CABP5: variants seen among roughly 807,000 people sequenced by gnomAD.
CABP5 encodes calcium-binding protein 5.
In CABP5, 17 loss-of-function variants were observed where a neutral mutation model predicts 21.9. That is an observed-to-expected ratio of 0.78 (90% CI 0.53 to 1.17). The LOEUF is 1.17. Ranked by LOEUF, CABP5 falls within the 50% of genes most tolerant of loss-of-function variation. CABP5 has a pLI of 0.00. For missense variants in CABP5, 229 were observed against 228.9 expected (o/e 1.00, Z 0.00); for synonymous variants, 85 against 79.4 (o/e 1.07, Z -0.37).
chr19:48,031,738 G>C (rs1466704638), intron 5 of CABP5, among the ~76,000 whole-genome samples: 3 of 152,020 alleles, frequency 2.0e-5, no homozygotes, highest in Non-Finnish European at 2.9e-5. Flanking sequence ...GGCTCAAGAC[G>C]ATCTTGCTGC....
intron 4 of CABP5, among the ~76,000 whole-genome samples, chr19:48,036,880 A>G (rs1198148404): frequency 6.6e-6 from 1 of 152,216 alleles, no homozygotes; most frequent in African/African-American, 2.4e-5. Context: ...TTAAATTAAA[A>G]CCACAATGAA....
chr19:48,041,348 CT>C, intron 2 of CABP5: 2 of 550,018 alleles, frequency 3.6e-6, no homozygotes, highest in Non-Finnish European at 6.4e-6. Context: ...TTTGTTTTCA[CT>C]CCTGAGTCTT....
chr19:48,038,833 A>T (rs1967443786), intron 4 of CABP5, among the ~76,000 whole-genome samples: 1 of 152,160 alleles, frequency 6.6e-6, no homozygotes, highest in African/African-American at 2.4e-5. Flanking sequence ...TCTCAAAAAA[A>T]AAAAGTCCTA....
At position 48,030,598 on chromosome 19, in the gene CABP5, A is replaced by G. The variant is rs180699704; in HGVS notation, c.497-16T>C. 1,107 of 1,613,100 alleles carry G rather than the reference A, an allele frequency of 6.9e-4. 11 individuals are homozygous for G. In the African/African-American group the frequency reaches 0.012, roughly 17 times the overall value. On this transcript the variant is annotated splice_polypyrimidine_tract_variant and intron_variant, in intron 5 of 5. Coordinates refer to ENST00000293255, the MANE Select transcript of CABP5 (RefSeq NM_019855.5). ...TTCACAAACTCTGCAAAGAAAAAAA[A>G]AAATCCCCAGTAAGGCATCTCGTTG...
chr19:48,035,458 G>T (rs563015634), intron 4 of CABP5, among the ~76,000 whole-genome samples: 3 of 152,220 alleles, frequency 2.0e-5, no homozygotes, highest in Non-Finnish European at 4.4e-5. Context: ...TTAGCCAGGC[G>T]TGGTGGCGCA....
chr19:48,039,404 C>A (rs1967451841), intron 3 of CABP5, 87 bp from the exon 4 acceptor site: 1 of 948,654 alleles, frequency 1.1e-6, no homozygotes, highest in East Asian at 2.4e-5. Flanking sequence ...GTTAGATCAG[C>A]TCCCTTCTCC....
intron 4 of CABP5, among the ~76,000 whole-genome samples, chr19:48,037,436 T>C (rs556992513): frequency 6.6e-6 from 1 of 151,664 alleles, no homozygotes; most frequent in African/African-American, 2.4e-5. Context: ...GCCTAGCTAA[T>C]TTTGTATTTT....
intron 5 of CABP5, 128 bp from the exon 6 acceptor site, chr19:48,030,710 C>T: frequency 1.2e-6 from 1 of 826,646 alleles, no homozygotes; most frequent in Non-Finnish European, 2.0e-6. Context: ...TCCCTCTATG[C>T]TTCCATTTCT....
intron 4 of CABP5, among the ~76,000 whole-genome samples, chr19:48,035,427 G>A (rs1184910415): frequency 1.3e-5 from 2 of 152,264 alleles, no homozygotes; most frequent in South Asian, 2.1e-4. Context: ...GAGAAACTCC[G>A]TCTTTACTAA....
intron 4 of CABP5, 83 bp downstream of exon 4, chr19:48,039,125 C>G: frequency 9.4e-7 from 1 of 1,067,966 alleles, no homozygotes; most frequent in South Asian, 1.3e-5. Flanking sequence ...TTGGTGGGTG[C>G]TGTCCATGGC....
intron 1 of CABP5, among the ~76,000 whole-genome samples, chr19:48,043,156 C>G (rs1431726022): frequency 6.8e-6 from 1 of 146,818 alleles, no homozygotes. Context: ...ACTGCAGATG[C>G]ATGCCACCAT....
chr19:48,032,349 T>C lies in CABP5; in HGVS notation c.497-1767A>G, dbSNP rs866563349. Among the ~76,000 whole-genome samples, 138 of 139,242 alleles carry C rather than the reference T, an allele frequency of 9.9e-4. 2 individuals carry two copies. Among genetic ancestry groups the C allele is most frequent in the South Asian group, 4.9e-3 (21 of 4,298 alleles). 91.3% of individuals were successfully genotyped at this position (139,242 alleles called of 152,430 possible). On this transcript the variant is annotated intron_variant, in intron 5 of 5. Transcript: ENST00000293255. ...TAATTTTGGACTTTTTTTTTTTTTT[T>C]CTGGAGACGGAGTCTCGCTCTGTCA...
In CABP5 at chr19:48,041,610, A is replaced by G; in HGVS notation, c.64-7T>C. 6.2e-7 allele frequency: 1 copy of G among 1,610,480 alleles called. No individual in the cohort carries two copies. The highest frequency in any genetic ancestry group is 8.5e-7 in the Non-Finnish European group (1 of 1,178,912). ...CTTGTCCCAGTGGTCTTTCCTGGAA[A>G]GGAATGCAGATGAGAGGGAATTTGG... is the stretch of plus-strand genomic sequence containing the variant. On this transcript the variant is annotated splice_region_variant and splice_polypyrimidine_tract_variant and intron_variant, in intron 1 of 5. Transcript: ENST00000293255.
chr19:48,034,901 A>G (rs939208492), intron 4 of CABP5, among the ~76,000 whole-genome samples: 6 of 151,998 alleles, frequency 3.9e-5, no homozygotes, highest in Non-Finnish European at 8.8e-5. Flanking sequence ...TGGTCTTAAA[A>G]TCTTGGCCTT....
intron 3 of CABP5, among the ~76,000 whole-genome samples, chr19:48,040,009 A>G (rs1367883973): frequency 2.0e-5 from 3 of 152,068 alleles, no homozygotes; most frequent in Admixed American, 6.6e-5. Flanking sequence ...GGTGTGAGAC[A>G]CTGCGCCCAG....
chr19:48,034,125 G>T (rs987536382), intron 5 of CABP5, 90 bp downstream of exon 5: 1 of 1,313,948 alleles, frequency 7.6e-7, no homozygotes, highest in Admixed American at 2.8e-5. Context: ...GAGTGAGAAG[G>T]AGTGGCCAAC....
Position 48,030,500 on chromosome 19 carries a change from A to C in CABP5, c.*57T>G. The C allele has an allele frequency of 1.3e-6, 2 of 1,568,582 alleles. No individual in the cohort carries two copies. Among genetic ancestry groups the C allele is most frequent in the Admixed American group, 1.9e-5 (1 of 51,394 alleles). On this transcript the variant is annotated 3_prime_UTR_variant, in exon 6 of 6. Transcript: ENST00000293255. ...TGGGGCTTTTGGGCTTTGGTTCTCC[A>C]CAAGCGCTTGCTCCATGTTGACCAG... is the stretch of plus-strand genomic sequence containing the variant.
At chr19:48,031,268 G>A (rs1001775419) in intron 5 of CABP5, among the ~76,000 whole-genome samples, 1 of 152,026 alleles carries the variant, frequency 6.6e-6, no homozygotes, top group Non-Finnish European at 1.5e-5. Context: ...GGCCGGGCGC[G>A]GTGGCTCATA....
intron 4 of CABP5, among the ~76,000 whole-genome samples, chr19:48,037,521 G>T (rs1398210192): frequency 6.6e-6 from 1 of 151,876 alleles, no homozygotes; most frequent in Non-Finnish European, 1.5e-5. Flanking sequence ...ACCCACCTCA[G>T]CCTCCCAAAG....
Sources: allele counts gnomAD v4.1 joint callset (sites outside exome capture counted in the v4.1 genomes callset), GRCh38; gene constraint gnomAD v4.1.1; transcripts MANE v1.5; gene names NCBI Gene and HGNC (gene_info 2026-07-23, HGNC 2026-07-21).